The following FSTL5 variants were observed in gnomAD, a reference collection of about 807,000 sequenced individuals.
The protein encoded by FSTL5 is follistatin-related protein 5.
In FSTL5, 62 loss-of-function variants were observed where a neutral mutation model predicts 89.1. That is an observed-to-expected ratio of 0.70 (90% CI 0.57 to 0.86). FSTL5 has a LOEUF of 0.86. Ranked by LOEUF, FSTL5 falls within the 40% of genes least tolerant of loss-of-function variation. The pLI, the probability that FSTL5 is intolerant of heterozygous loss-of-function variation, is 0.00. For missense variants in FSTL5, 1,057 were observed against 1,001.6 expected, an observed-to-expected ratio of 1.06 and a Z score of -0.75; for synonymous variants, 383 against 346.2, an observed-to-expected ratio of 1.11 and a Z score of -1.18.
intron 2 of FSTL5, among the ~76,000 whole-genome samples, chr4:162,040,825 T>C (rs1737924145): frequency 6.6e-6 from 1 of 152,092 alleles, no homozygotes; most frequent in Admixed American, 6.6e-5. Flanking sequence ...TTATCTTTTT[T>C]TTTCATTTTT....
At chr4:161,928,976 C>T (rs1161813780) in intron 3 of FSTL5, among the ~76,000 whole-genome samples, 1 of 151,716 alleles carries the variant, frequency 6.6e-6, no homozygotes, top group Non-Finnish European at 1.5e-5. Context: ...AACTCAGCCT[C>T]TTAGATGTCC....
intron 4 of FSTL5, among the ~76,000 whole-genome samples, chr4:161,861,210 G>A (rs1731900196): frequency 2.0e-5 from 3 of 152,088 alleles, no homozygotes; most frequent in Non-Finnish European, 2.9e-5. Context: ...ATCACCTGAG[G>A]TCAGGAGTTC....
chr4:161,913,834 C>T (rs941817882), intron 4 of FSTL5, among the ~76,000 whole-genome samples: 1 of 152,146 alleles, frequency 6.6e-6, no homozygotes, highest in Admixed American at 6.5e-5. Flanking sequence ...GCTGTATTTA[C>T]CCCAATACCT....
intron 6 of FSTL5, among the ~76,000 whole-genome samples, chr4:161,704,222 C>T (rs1213538839): frequency 2.6e-5 from 4 of 152,132 alleles, no homozygotes; most frequent in South Asian, 4.1e-4. Flanking sequence ...CCCAGAAGCC[C>T]CCTCCCTGCT....
At chr4:161,629,220 A>T (rs1479049478) in intron 7 of FSTL5, among the ~76,000 whole-genome samples, 1 of 152,054 alleles carries the variant, frequency 6.6e-6, no homozygotes, top group East Asian at 1.9e-4. Flanking sequence ...ACCACATACT[A>T]CTCTAACTCC....
At chr4:161,908,656 T>G (rs1193817318) in intron 4 of FSTL5, among the ~76,000 whole-genome samples, 1 of 152,108 alleles carries the variant, frequency 6.6e-6, no homozygotes, top group Non-Finnish European at 1.5e-5. Context: ...CCTGATGGAT[T>G]AAAGCATACA....
At position 161,437,059 on chromosome 4, in the gene FSTL5, C is replaced by T. The variant is rs529536280; in HGVS notation, c.1841+17945G>A. 1.2e-4 allele frequency among the ~76,000 whole-genome samples: 19 copies of T among 152,136 alleles called. No homozygotes were observed. In the South Asian group the frequency reaches 3.9e-3, roughly 32 times the overall value. On this transcript the variant is annotated intron_variant, in intron 15 of 15. Coordinates refer to ENST00000306100, the MANE Select transcript of FSTL5 (RefSeq NM_020116.5). ...CAAATGTTTGAAAAAATGAGTTATG[C>T]TATTATAAAAGCTTGCATATAACGC...
intron 6 of FSTL5, among the ~76,000 whole-genome samples, chr4:161,668,746 CAAGAT>C (rs1393860789): frequency 2.0e-5 from 3 of 152,010 alleles, no homozygotes; most frequent in Non-Finnish European, 4.4e-5. Context: ...ATCACATCAA[CAAGAT>C]AAGAGGAAAA....
intron 3 of FSTL5, among the ~76,000 whole-genome samples, chr4:162,014,948 G>T (rs1248719724): frequency 6.6e-6 from 1 of 152,086 alleles, no homozygotes; most frequent in African/African-American, 2.4e-5. Context: ...TGCTACTCAA[G>T]GTTAAAAATT....
chr4:161,448,635 C>T (rs56357551), intron 15 of FSTL5, among the ~76,000 whole-genome samples: 2,460 of 152,268 alleles, frequency 0.016, 65 homozygotes, highest in African/African-American at 0.056. Flanking sequence ...ACTCTCCAGA[C>T]TGCCGGAGCG....
chr4:161,476,648 T>C (rs1282400557), intron 13 of FSTL5, among the ~76,000 whole-genome samples: 1 of 152,232 alleles, frequency 6.6e-6, no homozygotes, highest in Admixed American at 6.5e-5. Flanking sequence ...TTCTCCTATA[T>C]GCACTTGTTT....
chr4:161,897,834 T>A (rs1455864041), intron 4 of FSTL5, among the ~76,000 whole-genome samples: 1 of 151,344 alleles, frequency 6.6e-6, no homozygotes, highest in African/African-American at 2.4e-5. Context: ...CACAGTATCA[T>A]ACAGAATAGT....
At chr4:162,024,436 A>G (rs1236407461) in intron 3 of FSTL5, among the ~76,000 whole-genome samples, 2 of 152,154 alleles carry the variant, frequency 1.3e-5, no homozygotes, top group Non-Finnish European at 2.9e-5. Flanking sequence ...TTAAATTAAT[A>G]CACATTTGTT....
chr4:161,706,243 G>A (rs970195103), intron 6 of FSTL5, among the ~76,000 whole-genome samples: 1 of 151,464 alleles, frequency 6.6e-6, no homozygotes, highest in African/African-American at 2.4e-5. Context: ...TTAGCCTGTA[G>A]TAAGCAGGAG....
At chr4:161,771,042 T>C (rs1210358487) in intron 5 of FSTL5, among the ~76,000 whole-genome samples, 1 of 152,052 alleles carries the variant, frequency 6.6e-6, no homozygotes, top group African/African-American at 2.4e-5. Context: ...AAATTATTCC[T>C]CTTCTATGGC....
Position 161,386,339 on chromosome 4 carries a change from G to A in FSTL5, c.1952C>T (p.Ser651Leu). 1.2e-6 allele frequency: 2 copies of A among 1,613,828 alleles called. No homozygotes were observed. ...NLKDYKCVPQSLAYTHLGGYY... is the reference protein window; with the variant it reads ...NLKDYKCVPQLLAYTHLGGYY... ...GCCTCCCAAGTGTGTATATGCCAATGACTGAGGAACGCACTTATAGTCCTT... is the reference window on the plus strand; with the variant it reads ...GCCTCCCAAGTGTGTATATGCCAATAACTGAGGAACGCACTTATAGTCCTT... Residue 651 changes from serine (S) to leucine (L), a missense_variant, in exon 16 of 16, where the codon TCA (serine) becomes TTA (leucine). Transcript: ENST00000306100.
chr4:161,468,161 T>C (rs1179815683), intron 13 of FSTL5, among the ~76,000 whole-genome samples: 1 of 152,092 alleles, frequency 6.6e-6, no homozygotes, highest in Non-Finnish European at 1.5e-5. Context: ...ATCAACCCCA[T>C]CATACAGTTC....
intron 2 of FSTL5, among the ~76,000 whole-genome samples, chr4:162,108,586 T>C (rs1003428214): frequency 1.3e-5 from 2 of 151,874 alleles, no homozygotes; most frequent in Admixed American, 1.3e-4. Flanking sequence ...TTTGCATTAT[T>C]TGTCTTAAAA....
intron 4 of FSTL5, among the ~76,000 whole-genome samples, chr4:161,844,821 T>A (rs1731316606): frequency 6.6e-6 from 1 of 151,938 alleles, no homozygotes; most frequent in Non-Finnish European, 1.5e-5. Context: ...TTAGGAGAAA[T>A]ACCTAATGTA....
Sources: allele counts gnomAD v4.1 joint callset (sites outside exome capture counted in the v4.1 genomes callset), GRCh38; gene constraint gnomAD v4.1.1; transcripts MANE v1.5; gene names NCBI Gene and HGNC (gene_info 2026-07-23, HGNC 2026-07-21).